ARHGAP15: variants seen among roughly 807,000 people sequenced by gnomAD.
The protein encoded by ARHGAP15 is Rho GTPase activating protein 15, also known as rho GTPase-activating protein 15.
Under a neutral mutation model 63.7 loss-of-function variants are expected in ARHGAP15, and 51 were observed. That is an observed-to-expected ratio of 0.80 (90% CI 0.64 to 1.01). The LOEUF is 1.01. Among genes scored for constraint, ARHGAP15 ranks in the 50% least tolerant of loss-of-function variants. The pLI is 0.00. For missense variants in ARHGAP15, 560 were observed against 564.6 expected (o/e 0.99, Z 0.08); for synonymous variants, 191 against 193.8 (o/e 0.99, Z 0.12).
chr2:143,428,991 A>G (rs1689258488), intron 6 of ARHGAP15, among the ~76,000 whole-genome samples: 1 of 152,058 alleles, frequency 6.6e-6, no homozygotes, highest in Non-Finnish European at 1.5e-5. Flanking sequence ...ATTAAGAGCA[A>G]TAAAAGTCTA....
At chr2:143,670,025 A>G (rs1203848584) in intron 12 of ARHGAP15, among the ~76,000 whole-genome samples, 2 of 152,298 alleles carry the variant, frequency 1.3e-5, no homozygotes, top group Non-Finnish European at 2.9e-5. Context: ...AATGCCCATT[A>G]GTGCTTAAGG....
rs534720045 is a variant in ARHGAP15 at position 143,500,408 on chromosome 2, T to C, written c.826+12913T>C. On this transcript the variant is annotated intron_variant, in intron 9 of 13. Coordinates refer to ENST00000295095, the MANE Select transcript of ARHGAP15 (RefSeq NM_018460.4). ...TATTCATTTTAAAAAAATTGAATCA[T>C]TGTGCCTAGCTAGTATGTCCCCACA... Among the ~76,000 whole-genome samples the C allele has an allele frequency of 2.0e-5, 3 of 152,214 alleles. No homozygotes were observed. The East Asian group carries it at 5.8e-4, about 29-fold the overall frequency.
At chr2:143,169,515 G>A (rs896181148) in intron 2 of ARHGAP15, among the ~76,000 whole-genome samples, 2 of 152,054 alleles carry the variant, frequency 1.3e-5, no homozygotes, top group African/African-American at 4.8e-5. Context: ...GTAGGAAGAA[G>A]CTTTTGAAAT....
chr2:143,191,658 G>A (rs1691687697), intron 2 of ARHGAP15, among the ~76,000 whole-genome samples: 1 of 152,172 alleles, frequency 6.6e-6, no homozygotes, highest in South Asian at 2.1e-4. Context: ...TGATTTATCA[G>A]GGAACTTTGA....
At chr2:143,637,418 G>C (rs1369976148) in intron 12 of ARHGAP15, among the ~76,000 whole-genome samples, 1 of 151,902 alleles carries the variant, frequency 6.6e-6, no homozygotes, top group African/African-American at 2.4e-5. Flanking sequence ...TTTCCATGCT[G>C]AAATGTGCAC....
intron 8 of ARHGAP15, among the ~76,000 whole-genome samples, chr2:143,483,519 T>C (rs1283498256): frequency 6.6e-6 from 1 of 152,234 alleles, no homozygotes; most frequent in Non-Finnish European, 1.5e-5. Flanking sequence ...TTCTGTGTCA[T>C]TCCAAAGATG....
At chr2:143,591,614 C>CTTTTTTTTTTTTTTT (rs67060048) in intron 11 of ARHGAP15, among the ~76,000 whole-genome samples, 1 of 124,108 alleles carries the variant, frequency 8.1e-6, no homozygotes, top group African/African-American at 2.8e-5. Context: ...TTTGTTTGTT[C>CTTTTTTTTTTTTTTT]TTTTTTTTTT....
chr2:143,303,214 A>G (rs1272474743), intron 6 of ARHGAP15, among the ~76,000 whole-genome samples: 1 of 152,088 alleles, frequency 6.6e-6, no homozygotes, highest in Admixed American at 6.6e-5. Flanking sequence ...TTATCATCCA[A>G]GTGAACAGGC....
At chr2:143,481,134 A>G (rs976240060) in intron 8 of ARHGAP15, among the ~76,000 whole-genome samples, 12 of 152,032 alleles carry the variant, frequency 7.9e-5, no homozygotes, top group African/African-American at 2.7e-4. Flanking sequence ...CCTGCTCTGA[A>G]TACTGCAGAG....
chr2:143,514,659 C>T (rs1022499805), intron 9 of ARHGAP15, among the ~76,000 whole-genome samples: 9 of 152,124 alleles, frequency 5.9e-5, no homozygotes, highest in African/African-American at 2.2e-4. Flanking sequence ...CATATAACAC[C>T]GAGCATCTAT....
intron 2 of ARHGAP15, among the ~76,000 whole-genome samples, chr2:143,201,202 T>A (rs1482756346): frequency 6.6e-6 from 1 of 151,702 alleles, no homozygotes; most frequent in Non-Finnish European, 1.5e-5. Context: ...CTCAAAATCC[T>A]GGCTCAAGTG....
intron 13 of ARHGAP15, among the ~76,000 whole-genome samples, chr2:143,748,882 C>G (rs984058445): frequency 6.6e-6 from 1 of 152,126 alleles, no homozygotes; most frequent in Non-Finnish European, 1.5e-5. Flanking sequence ...TGTAGAATTA[C>G]TTTCAATAAA....
chr2:143,402,304 C>T (rs1173092541), intron 6 of ARHGAP15, among the ~76,000 whole-genome samples: 3 of 151,768 alleles, frequency 2.0e-5, no homozygotes, highest in Non-Finnish European at 4.4e-5. Context: ...AAAGAACTGA[C>T]TTATTCAGTC....
chr2:143,348,312 A>C (rs1402041235), intron 6 of ARHGAP15, among the ~76,000 whole-genome samples: 2 of 152,176 alleles, frequency 1.3e-5, no homozygotes, highest in African/African-American at 4.8e-5. Flanking sequence ...AAATTCTGAC[A>C]GTCATCAAAT....
chr2:143,332,747 C>T (rs866073086), intron 6 of ARHGAP15, among the ~76,000 whole-genome samples: 1 of 152,136 alleles, frequency 6.6e-6, no homozygotes, highest in East Asian at 1.9e-4. Flanking sequence ...AGATACATAA[C>T]ACTTCAAAAC....
chr2:143,168,937 G>A (rs1466737568), intron 2 of ARHGAP15, among the ~76,000 whole-genome samples: 2 of 151,952 alleles, frequency 1.3e-5, no homozygotes, highest in East Asian at 3.9e-4. Flanking sequence ...CTTCTTCATA[G>A]CCAAAATGTC....
At chr2:143,240,774 A>G (rs1693833041) in intron 5 of ARHGAP15, among the ~76,000 whole-genome samples, 1 of 152,230 alleles carries the variant, frequency 6.6e-6, no homozygotes, top group South Asian at 2.1e-4. Flanking sequence ...AGGAAATTAA[A>G]GTTCAGTGTT....
intron 12 of ARHGAP15, among the ~76,000 whole-genome samples, chr2:143,635,194 CTTTTTTTTTTTTTTTTTTT>C (rs10558886): frequency 3.3e-4 from 9 of 26,884 alleles, no homozygotes. Flanking sequence ...CTCTCAGGAG[CTTTTTTTTTTTTTTTTTTT>C]TTTTTTTTTT....
At chr2:143,208,060 C>A (rs1045500477) in intron 3 of ARHGAP15, among the ~76,000 whole-genome samples, 1 of 152,080 alleles carries the variant, frequency 6.6e-6, no homozygotes, top group Non-Finnish European at 1.5e-5. Context: ...CCAGGATGAG[C>A]TATCATATAT....
Sources: allele counts gnomAD v4.1 joint callset (sites outside exome capture counted in the v4.1 genomes callset), GRCh38; gene constraint gnomAD v4.1.1; transcripts MANE v1.5; gene names NCBI Gene and HGNC (gene_info 2026-07-23, HGNC 2026-07-21).